IGF2BP3: variants seen among roughly 807,000 people sequenced by gnomAD.
The protein encoded by IGF2BP3 is insulin like growth factor 2 mRNA binding protein 3, also known as insulin-like growth factor 2 mRNA-binding protein 3.
Under a neutral mutation model 73.8 loss-of-function variants are expected in IGF2BP3, and 9 were observed. The ratio of observed to expected loss-of-function variants is 0.12; its 90% CI spans 0.07 to 0.21. The LOEUF is 0.21. Among genes scored for constraint, IGF2BP3 ranks in the 10% least tolerant of loss-of-function variants. The pLI is 1.00. For missense variants in IGF2BP3, 542 were observed against 714.0 expected (o/e 0.76, Z 2.75); for synonymous variants, 258 against 256.7 (o/e 1.01, Z -0.05).
At chr7:23,454,042 G>C (rs967915602) in intron 2 of IGF2BP3, among the ~76,000 whole-genome samples, 2 of 152,092 alleles carry the variant, frequency 1.3e-5, no homozygotes, top group African/African-American at 4.8e-5. Context: ...TGCCCAGCCT[G>C]GTCTCAAACT....
chr7:23,418,708 G>T (rs1787261400), intron 3 of IGF2BP3, 68 bp downstream of exon 3: 1 of 1,014,106 alleles, frequency 9.9e-7, no homozygotes, highest in Non-Finnish European at 1.5e-6. Context: ...AGGAGAAAAA[G>T]CTTTGAAAAA....
intron 3 of IGF2BP3, among the ~76,000 whole-genome samples, chr7:23,383,855 G>C (rs1785993316): frequency 6.6e-6 from 1 of 152,102 alleles, no homozygotes; most frequent in Admixed American, 6.6e-5. Context: ...CCAGCACTTT[G>C]GGAGGCCGAG....
intron 2 of IGF2BP3, among the ~76,000 whole-genome samples, chr7:23,456,617 T>C (rs1788325148): frequency 6.6e-6 from 1 of 152,252 alleles, no homozygotes; most frequent in African/African-American, 2.4e-5. Flanking sequence ...AGCACATCCA[T>C]GGTAGAAGAG....
intron 2 of IGF2BP3, among the ~76,000 whole-genome samples, chr7:23,451,194 G>C (rs1465625519): frequency 1.3e-5 from 2 of 152,152 alleles, no homozygotes; most frequent in Non-Finnish European, 2.9e-5. Context: ...GAGGTGGGCG[G>C]ATCACTTGAG....
chr7:23,438,871 TA>T (rs1485363066), intron 2 of IGF2BP3, among the ~76,000 whole-genome samples: 2 of 152,056 alleles, frequency 1.3e-5, no homozygotes, highest in Non-Finnish European at 2.9e-5. Flanking sequence ...ACTGAGATGC[TA>T]AAAAAAATTT....
At chr7:23,468,699 C>T (rs1211362105) in intron 1 of IGF2BP3, among the ~76,000 whole-genome samples, 157 bp from the exon 2 acceptor site, 1 of 152,228 alleles carries the variant, frequency 6.6e-6, no homozygotes, top group Admixed American at 6.5e-5. Context: ...GAAGCCGACC[C>T]CCTCGAGCGG....
Position 23,470,305 on chromosome 7 carries a change from G to A in IGF2BP3, c.-195C>T, listed in dbSNP as rs934020789. On this transcript the variant is annotated 5_prime_UTR_variant, in exon 1 of 15. Coordinates refer to ENST00000258729, the MANE Select transcript of IGF2BP3 (RefSeq NM_006547.3). ...AGGCTTGTTTTTTCCTTGTCTAGAT[G>A]TGTTTTAAAAGAGAAAGAAAAGAAA... is the stretch of plus-strand genomic sequence containing the variant. 49 of 458,546 alleles carry A rather than the reference G, an allele frequency of 1.1e-4. No homozygotes were observed. Among genetic ancestry groups the A allele is most frequent in the Non-Finnish European group, 2.7e-5 (7 of 259,906 alleles). 28.4% of individuals were successfully genotyped at this position (458,546 alleles called of 1,614,324 possible).
chr7:23,312,711 T>C (rs372150292), intron 14 of IGF2BP3, 24 bp downstream of exon 14: 16 of 1,476,648 alleles, frequency 1.1e-5, no homozygotes, highest in Non-Finnish European at 1.5e-5. Context: ...AAAGATACAA[T>C]AGCTTATTTT....
chr7:23,421,709 G>GTGCT (rs1787353985), intron 2 of IGF2BP3, among the ~76,000 whole-genome samples: 1 of 150,630 alleles, frequency 6.6e-6, no homozygotes, highest in South Asian at 2.1e-4. Context: ...AAAAAAAAAG[G>GTGCT]TGCTCACACT....
intron 2 of IGF2BP3, chr7:23,467,679 TAAG>T (rs1788598996): frequency 6.6e-6 from 1 of 152,042 alleles, no homozygotes; most frequent in African/African-American, 2.4e-5. Flanking sequence ...TAAGGCTTCA[TAAG>T]AAAAAGAAAA....
intron 5 of IGF2BP3, among the ~76,000 whole-genome samples, chr7:23,355,121 A>T (rs1324608410): frequency 1.3e-5 from 2 of 152,206 alleles, no homozygotes; most frequent in Non-Finnish European, 2.9e-5. Flanking sequence ...GAGATGAACG[A>T]CTGTCATAAT....
chr7:23,448,422 A>G (rs1257551436), intron 2 of IGF2BP3, among the ~76,000 whole-genome samples: 3 of 152,068 alleles, frequency 2.0e-5, no homozygotes, highest in Non-Finnish European at 4.4e-5. Context: ...TCAAAAATAC[A>G]TTTTAGAGAC....
chr7:23,332,096 A>G (rs1257731630), intron 10 of IGF2BP3, among the ~76,000 whole-genome samples: 1 of 152,120 alleles, frequency 6.6e-6, no homozygotes, highest in Admixed American at 6.6e-5. Context: ...CCATGATCCA[A>G]TCACCTCCCA....
In IGF2BP3 at chr7:23,470,137, A is replaced by T. The variant is rs557687678; in HGVS notation, c.-27T>A. 8.4e-5 allele frequency: 132 copies of T among 1,562,948 alleles called. No homozygotes were observed. The African/African-American group carries it at 1.6e-3, about 19-fold the overall frequency. On this transcript the variant is annotated 5_prime_UTR_variant, in exon 1 of 15. Transcript: ENST00000258729. ...GTGAAGAGTGGTTGTTTAAAAAAAAATAACGAGAAAAAACGAAAAATTAAA... is the reference window on the plus strand; with the variant it reads ...GTGAAGAGTGGTTGTTTAAAAAAAATTAACGAGAAAAAACGAAAAATTAAA...
chr7:23,423,049 G>A (rs1330023674), intron 2 of IGF2BP3, among the ~76,000 whole-genome samples: 1 of 152,230 alleles, frequency 6.6e-6, no homozygotes. Context: ...TGCTGGGATT[G>A]CAGGCGTGAG....
intron 10 of IGF2BP3, among the ~76,000 whole-genome samples, chr7:23,330,200 G>A (rs1330614431): frequency 1.3e-5 from 2 of 151,870 alleles, no homozygotes; most frequent in Non-Finnish European, 2.9e-5. Context: ...GCAGGAGAAT[G>A]GCTTGAACCT....
At chr7:23,412,483 C>T (rs1472594539) in intron 3 of IGF2BP3, among the ~76,000 whole-genome samples, 2 of 152,202 alleles carry the variant, frequency 1.3e-5, no homozygotes, top group African/African-American at 4.8e-5. Flanking sequence ...TGTCAGATCA[C>T]GTATTCAAAT....
intron 3 of IGF2BP3, among the ~76,000 whole-genome samples, chr7:23,385,910 CTAAGA>C (rs1349084401): frequency 6.6e-6 from 1 of 152,062 alleles, no homozygotes; most frequent in Non-Finnish European, 1.5e-5. Flanking sequence ...TGTGAACCAA[CTAAGA>C]TATTTGAACA....
chr7:23,418,456 T>C (rs1787254109), intron 3 of IGF2BP3, among the ~76,000 whole-genome samples: 3 of 152,216 alleles, frequency 2.0e-5, no homozygotes, highest in Admixed American at 1.3e-4. Flanking sequence ...AGATAGGAAC[T>C]TCATATTTAA....
Sources: gnomAD v4.1 joint callset for allele counts (sites outside exome capture counted in the v4.1 genomes callset) on GRCh38, gnomAD v4.1.1 for gene constraint, MANE v1.5 for transcripts, NCBI Gene and HGNC (gene_info 2026-07-23, HGNC 2026-07-21) for gene names.